YAF2: variants seen among roughly 807,000 people sequenced by gnomAD.
YAF2 encodes the protein YY1 associated factor 2, also known as YY1-associated factor 2.
YAF2 carries 7 observed loss-of-function variants against 20.1 expected under a neutral mutation model. That is an observed-to-expected ratio of 0.35 (90% CI 0.20 to 0.65). The LOEUF is 0.65. Ranked by LOEUF, YAF2 falls within the 30% of genes least tolerant of loss-of-function variation. The probability of loss-of-function intolerance (pLI) is 0.69; values close to 1 mark genes in which losing one functional copy is unlikely to be tolerated. For missense variants in YAF2, 151 were observed against 219.2 expected, an observed-to-expected ratio of 0.69 and a Z score of 1.96; for synonymous variants, 74 against 76.0, an observed-to-expected ratio of 0.97 and a Z score of 0.14.
intron 3 of YAF2, chr12:42,161,144 TA>T (rs562665545): frequency 2.5e-5 from 8 of 324,542 alleles, no homozygotes; most frequent in Non-Finnish European, 4.5e-5. Flanking sequence ...AACAATGAAA[TA>T]GTTGCACCAT....
Position 42,235,597 on chromosome 12 carries a change from TGGTGTA to T in YAF2, c.152+1996_152+2001del. 5 of 1,444,922 alleles carry T rather than the reference TGGTGTA, an allele frequency of 3.5e-6. No homozygotes were observed. In the African/African-American group the frequency reaches 5.7e-5, roughly 17 times the overall value. The allele number at this position is 1,444,922 out of a possible 1,614,324, so 89.5% of individuals were successfully genotyped here. ...AGGAAGGAAGAAGCTGAGAGGGTCG[TGGTGTA>T]GAACACTTACTTTCAGGAACACAGT... On this transcript the variant is annotated intron_variant, in intron 2 of 3. Coordinates refer to ENST00000534854, the MANE Select transcript of YAF2 (RefSeq NM_005748.6).
chr12:42,227,615 C>T (rs796400), intron 2 of YAF2, among the ~76,000 whole-genome samples: 1 of 150,230 alleles, frequency 6.7e-6, no homozygotes, highest in East Asian at 2.0e-4. Flanking sequence ...ACCACCCCGT[C>T]TGAGAAGTTA....
chr12:42,229,523 A>T (rs1441102697), intron 2 of YAF2, among the ~76,000 whole-genome samples: 2 of 152,218 alleles, frequency 1.3e-5, no homozygotes, highest in African/African-American at 4.8e-5. Flanking sequence ...TGTAGGGCAG[A>T]TAAGTGTCTA....
chr12:42,212,031 T>C (rs908080188), intron 2 of YAF2, among the ~76,000 whole-genome samples: 1 of 147,502 alleles, frequency 6.8e-6, no homozygotes, highest in Non-Finnish European at 1.5e-5. Context: ...CAAGATTTCA[T>C]CTCAAAAAAA....
intron 2 of YAF2, chr12:42,199,086 G>C: frequency 9.8e-7 from 1 of 1,016,366 alleles, no homozygotes; most frequent in Non-Finnish European, 1.3e-6. Context: ...TTTCCTCTTG[G>C]GTACATCTTC....
intron 1 of YAF2, among the ~76,000 whole-genome samples, 184 bp downstream of exon 1, chr12:42,237,971 G>C (rs1181476939): frequency 6.7e-6 from 1 of 148,850 alleles, no homozygotes; most frequent in African/African-American, 2.4e-5. Context: ...GGTCGCCGCC[G>C]CCATCGCGGC....
chr12:42,165,239 AGG>A (rs1244814905), intron 2 of YAF2, among the ~76,000 whole-genome samples: 1 of 152,130 alleles, frequency 6.6e-6, no homozygotes, highest in East Asian at 1.9e-4. Flanking sequence ...AAACAGGAGG[AGG>A]AGTTATTATA....
chr12:42,208,403 G>A (rs1406267389), intron 2 of YAF2, among the ~76,000 whole-genome samples: 1 of 151,908 alleles, frequency 6.6e-6, no homozygotes, highest in Non-Finnish European at 1.5e-5. Context: ...TCTAGCCTGG[G>A]CGATCGAGTG....
In YAF2 at chr12:42,216,212, T is replaced by C. The variant is rs76363194; in HGVS notation, c.152+21387A>G. On this transcript the variant is annotated intron_variant, in intron 2 of 3. Coordinates refer to ENST00000534854, the MANE Select transcript of YAF2 (RefSeq NM_005748.6). ...ACCAATATTAACCTCCTTTATTTAG[T>C]CTATAAATATAAACCAGAATTATTG... 2.1e-3 allele frequency among the ~76,000 whole-genome samples: 314 copies of C among 152,264 alleles called. 5 individuals are homozygous for C. In the East Asian group the frequency reaches 0.042, roughly 21 times the overall value.
intron 2 of YAF2, among the ~76,000 whole-genome samples, chr12:42,182,953 G>C (rs1327074042): frequency 6.6e-6 from 1 of 151,956 alleles, no homozygotes; most frequent in East Asian, 1.9e-4. Context: ...TGGCAATCCT[G>C]TGCTCAGCAA....
At chr12:42,224,729 G>A (rs1478801273) in intron 2 of YAF2, among the ~76,000 whole-genome samples, 2 of 152,098 alleles carry the variant, frequency 1.3e-5, no homozygotes, top group Non-Finnish European at 2.9e-5. Context: ...CAGCTGCATA[G>A]TATTCCATGG....
At chr12:42,179,481 T>A (rs1206642034) in intron 2 of YAF2, among the ~76,000 whole-genome samples, 1 of 152,054 alleles carries the variant, frequency 6.6e-6, no homozygotes, top group Admixed American at 6.6e-5. Flanking sequence ...ATAATAACAA[T>A]GTGCAATGAG....
intron 2 of YAF2, among the ~76,000 whole-genome samples, chr12:42,202,782 G>A (rs2066934929): frequency 6.6e-6 from 1 of 152,042 alleles, no homozygotes; most frequent in African/African-American, 2.4e-5. Context: ...GGGATTACAG[G>A]CACATGCCAC....
chr12:42,221,478 G>A (rs1046303148), intron 2 of YAF2, among the ~76,000 whole-genome samples: 9 of 151,968 alleles, frequency 5.9e-5, no homozygotes, highest in African/African-American at 2.2e-4. Context: ...GGTTGAGCTT[G>A]AGCCCAGGAG....
rs1198029234 is a variant in YAF2, at chr12:42,157,324, C to T, written c.*3265G>A. ...CCATTCCTGCAAGAGCGAATCCATT[C>T]CAGAACTAACTGAGCCTCATGAGAA... is the stretch of plus-strand genomic sequence containing the variant. On this transcript the variant is annotated 3_prime_UTR_variant, in exon 4 of 4. Coordinates refer to ENST00000534854, the MANE Select transcript of YAF2 (RefSeq NM_005748.6). 1 of 152,236 alleles carries T rather than the reference C, an allele frequency of 6.6e-6. No homozygotes were observed. Among genetic ancestry groups the T allele is most frequent in the African/African-American group, 2.4e-5 (1 of 41,438 alleles). The allele number at this position is 152,236 out of a possible 1,614,324, so 9.4% of individuals were successfully genotyped here.
chr12:42,211,267 A>G (rs1208991061), intron 2 of YAF2, among the ~76,000 whole-genome samples: 1 of 151,562 alleles, frequency 6.6e-6, no homozygotes, highest in East Asian at 2.0e-4. Context: ...TCTCTACTGA[A>G]AATACAAAAA....
chr12:42,190,248 G>A (rs1213249295), intron 2 of YAF2, among the ~76,000 whole-genome samples: 1 of 152,134 alleles, frequency 6.6e-6, no homozygotes, highest in African/African-American at 2.4e-5. Flanking sequence ...GGAAGTTGAG[G>A]AAGGATGATC....
intron 2 of YAF2, chr12:42,235,025 G>C (rs1052046598): frequency 7.1e-6 from 7 of 985,252 alleles, no homozygotes; most frequent in Non-Finnish European, 8.4e-6. Flanking sequence ...TTCAAAGGTA[G>C]AACAAGGACT....
intron 2 of YAF2, among the ~76,000 whole-genome samples, chr12:42,221,669 A>G (rs963135705): frequency 1.3e-5 from 2 of 152,192 alleles, no homozygotes; most frequent in African/African-American, 4.8e-5. Context: ...ACCTATCAAG[A>G]GGATACGAGG....
Sources: gnomAD v4.1 joint callset for allele counts (sites outside exome capture counted in the v4.1 genomes callset) on GRCh38, gnomAD v4.1.1 for gene constraint, MANE v1.5 for transcripts, NCBI Gene and HGNC (gene_info 2026-07-23, HGNC 2026-07-21) for gene names.